Variants in FLNB observed in about 807,000 individuals in gnomAD.
FLNB encodes the protein filamin B.
Under a neutral mutation model 250.6 loss-of-function variants are expected in FLNB, and 111 were observed. The ratio of observed to expected loss-of-function variants is 0.44; its 90% confidence interval spans 0.38 to 0.52. The LOEUF is 0.52. FLNB is among the 20% of genes least tolerant of loss of function. The probability of loss-of-function intolerance (pLI) is 0.00; values close to 1 mark genes in which losing one functional copy is unlikely to be tolerated. For synonymous variants in FLNB, 1,302 were observed against 1,372.1 expected (o/e 0.95, Z 1.13); for missense variants, 2,869 against 3,447.8 (o/e 0.83, Z 4.20).
chr3:58,140,956 A>G (rs2107243170), intron 29 of FLNB, among the ~76,000 whole-genome samples: 1 of 152,326 alleles, frequency 6.6e-6, no homozygotes, highest in South Asian at 2.1e-4. Flanking sequence ...AAAACTTTAG[A>G]AACATTAACT....
chr3:58,154,599 T>C lies in FLNB; in HGVS notation c.6635-192T>C, dbSNP rs115132703. On this transcript the variant is annotated intron_variant, in intron 39 of 45. Coordinates refer to ENST00000295956, the MANE Select transcript of FLNB (RefSeq NM_001457.4). ...GAGGACTCCAGATGTCCTGTGAATT[T>C]AGTTATCACTAGTGATGCTTAGGAA... is the stretch of plus-strand genomic sequence containing the variant. The C allele has an allele frequency of 4.0e-4, 237 of 592,508 alleles. 1 individual carries two copies. In the African/African-American group the frequency reaches 4.0e-3, roughly 10 times the overall value. The allele number at this position is 592,508 out of a possible 1,614,324, so 36.7% of individuals were successfully genotyped here. A position where few individuals can be genotyped will look rare whatever the true frequency, so the allele number is the denominator to read the frequency against.
Position 58,123,434 on chromosome 3 carries a change from C to G in FLNB, c.3468C>G (p.Val1156=). 1 of 1,612,592 alleles carries G rather than the reference C, an allele frequency of 6.2e-7. No individual in the cohort carries two copies. The highest frequency in any genetic ancestry group is 8.5e-7 in the Non-Finnish European group (1 of 1,178,884). ...GKVGEAGLLS[V]DCSEAGPGAL... is the part of the protein sequence containing the mutation. ...TGGGTGAAGCTGGCCTCCTTAGCGT[C>G]GACTGCTCGGAAGCGGGACCGGGGG... Residue 1156 remains valine (V), a synonymous_variant, in exon 21 of 46, where the codon GTC becomes GTG. Transcript: ENST00000295956.
intron 1 of FLNB, among the ~76,000 whole-genome samples, chr3:58,059,120 C>G (rs187662059): frequency 1.2e-3 from 188 of 152,208 alleles, no homozygotes; most frequent in Admixed American, 3.2e-3. Flanking sequence ...CTAGTGTGCC[C>G]CCAGTTGTTT....
At chr3:58,087,728 G>A (rs1372779393) in intron 4 of FLNB, among the ~76,000 whole-genome samples, 2 of 151,724 alleles carry the variant, frequency 1.3e-5, no homozygotes, top group Admixed American at 6.6e-5. Context: ...GGGATTACAG[G>A]TGTGAGCCAC....
intron 24 of FLNB, among the ~76,000 whole-genome samples, chr3:58,127,216 G>A (rs1020164326): frequency 3.9e-5 from 6 of 152,044 alleles, no homozygotes; most frequent in Non-Finnish European, 8.8e-5. Context: ...CTAGCTATGT[G>A]GGGTGGGGGC....
In FLNB at chr3:58,153,521, C is replaced by T. The variant is rs375171765; in HGVS notation, c.6514C>T (p.Arg2172Cys). The T allele has an allele frequency of 1.9e-5, 30 of 1,614,070 alleles. No individual in the cohort carries two copies. The highest frequency in any genetic ancestry group is 8.8e-5 in the South Asian group (8 of 91,096). The change falls in exon 39 of 46, where the codon CGT (arginine) becomes TGT (cysteine). Residue 2172 changes from arginine (R) to cysteine (C), a missense_variant. Transcript: ENST00000295956. ...CGTGCACACGGTCAGCGTCAAGTAC[C>T]GTGGGCAGCACGTCACCGGCAGCCC... ...MGVHTVSVKY[R>C]GQHVTGSPFQ... is the part of the protein sequence containing the mutation.
intron 1 of FLNB, among the ~76,000 whole-genome samples, chr3:58,026,050 G>T (rs1435379689): frequency 6.6e-6 from 1 of 152,214 alleles, no homozygotes; most frequent in East Asian, 1.9e-4. Context: ...TGCTGCTGTT[G>T]TGGTGTTAGT....
rs757904539 is a variant in FLNB at position 58,118,945 on chromosome 3, C to T, written c.2819C>T (p.Ala940Val). 5 of 1,614,058 alleles carry T rather than the reference C, an allele frequency of 3.1e-6. No individual in the cohort carries two copies. The highest frequency in any genetic ancestry group is 4.2e-6 in the Non-Finnish European group (5 of 1,179,944). ...AGCCCTTTCACTGTGGGTGTTGCTGCACCGCTGGATCTGAGCAAGATAAAA... is the reference window on the plus strand; with the variant it reads ...AGCCCTTTCACTGTGGGTGTTGCTGTACCGCTGGATCTGAGCAAGATAAAA... ...PKSPFTVGVAAPLDLSKIKLN... is the reference protein window; with the variant it reads ...PKSPFTVGVAVPLDLSKIKLN... Residue 940 changes from alanine to valine, a missense_variant, in exon 19 of 46, where the codon GCA (alanine) becomes GTA (valine). This residue lies in a region of FLNB where 1,348 missense variants were observed against 1,466.7 expected (regional missense o/e 0.92). Transcript: ENST00000295956.
At chr3:58,009,620 C>T (rs2097095503) in intron 1 of FLNB, among the ~76,000 whole-genome samples, 1 of 152,118 alleles carries the variant, frequency 6.6e-6, no homozygotes. Context: ...TATCTCCGTC[C>T]CTACGCATCC....
intron 1 of FLNB, among the ~76,000 whole-genome samples, chr3:58,037,450 A>C (rs544856861): frequency 3.7e-4 from 57 of 152,332 alleles, no homozygotes; most frequent in African/African-American, 1.4e-3. Flanking sequence ...AGCCAGCTAA[A>C]GCCCCTTGTA....
At chr3:58,063,361 G>A (rs1297671586) in intron 1 of FLNB, among the ~76,000 whole-genome samples, 1 of 152,312 alleles carries the variant, frequency 6.6e-6, no homozygotes, top group East Asian at 1.9e-4. Context: ...TGGGCTGAGA[G>A]AGTTTGCAGA....
intron 9 of FLNB, among the ~76,000 whole-genome samples, chr3:58,102,614 C>G (rs1253711948): frequency 6.6e-6 from 1 of 152,176 alleles, no homozygotes; most frequent in African/African-American, 2.4e-5. Flanking sequence ...GGAAATGCTG[C>G]TGTTGGAACA....
chr3:58,065,984 G>A (rs1396557080), intron 1 of FLNB, among the ~76,000 whole-genome samples: 1 of 152,136 alleles, frequency 6.6e-6, no homozygotes, highest in African/African-American at 2.4e-5. Flanking sequence ...GCTTTAACCT[G>A]AGCCTCTTGG....
Position 58,112,848 on chromosome 3 carries a change from C to G in FLNB, c.2745+530C>G, listed in dbSNP as rs895399634. Among the ~76,000 whole-genome samples, 4 of 152,188 alleles carry G rather than the reference C, an allele frequency of 2.6e-5. No homozygotes were observed. In the East Asian group the frequency reaches 7.7e-4, roughly 29 times the overall value. ...TCAAAGAGCCAGTTCAGCCTTTCGTCCCTAAGGCCCAGCACACTATTTAGG... is the reference window on the plus strand; with the variant it reads ...TCAAAGAGCCAGTTCAGCCTTTCGTGCCTAAGGCCCAGCACACTATTTAGG... On this transcript the variant is annotated intron_variant, in intron 18 of 45. Transcript: ENST00000295956.
intron 34 of FLNB, 134 bp from the exon 35 acceptor site, chr3:58,148,072 G>A (rs190226890): frequency 3.4e-6 from 3 of 869,570 alleles, no homozygotes; most frequent in Non-Finnish European, 3.8e-6. Flanking sequence ...AGTGTTCAAG[G>A]CTCATTTTTT....
At chr3:58,154,158 G>A (rs1304154450) in intron 39 of FLNB, among the ~76,000 whole-genome samples, 1 of 152,124 alleles carries the variant, frequency 6.6e-6, no homozygotes, top group Non-Finnish European at 1.5e-5. Flanking sequence ...TGCTCAGACT[G>A]GTCTTGAACT....
chr3:58,083,156 A>T (rs1449466592), intron 4 of FLNB, among the ~76,000 whole-genome samples: 1 of 151,884 alleles, frequency 6.6e-6, no homozygotes, highest in East Asian at 1.9e-4. Context: ...TGTTTTACAA[A>T]CTAAGATCTG....
chr3:58,139,843 G>A (rs2097323552), intron 29 of FLNB, among the ~76,000 whole-genome samples: 1 of 152,184 alleles, frequency 6.6e-6, no homozygotes, highest in African/African-American at 2.4e-5. Context: ...TCATGGGCCT[G>A]CTGGTGCAAT....
At chr3:58,159,529 C>G in intron 41 of FLNB, 25 bp from the exon 42 acceptor site, 1 of 1,613,818 alleles carries the variant, frequency 6.2e-7, no homozygotes. Context: ...AGGGCCATAA[C>G]CTGTCTGATG....
Sources: gnomAD v4.1 joint callset for allele counts (sites outside exome capture counted in the v4.1 genomes callset) on GRCh38, gnomAD v4.1.1 for gene constraint, gnomAD v4.1.1 regional missense constraint, MANE v1.5 for transcripts, NCBI Gene and HGNC (gene_info 2026-07-23, HGNC 2026-07-21) for gene names.